SI: variants seen among roughly 807,000 people sequenced by gnomAD.
The protein encoded by SI is sucrase-isomaltase.
A neutral mutation model predicts 253.3 loss-of-function variants in SI; 235 were observed. That is an observed-to-expected ratio of 0.93 (90% CI 0.83 to 1.03). The LOEUF (loss-of-function observed/expected upper bound fraction) is 1.03. Ranked by LOEUF, SI falls within the 50% of genes least tolerant of loss-of-function variation. The pLI is 0.00. For synonymous variants in SI, 819 were observed against 712.0 expected (o/e 1.15, Z -2.39); for missense variants, 2,442 against 2,211.1 (o/e 1.10, Z -2.09).
chr3:165,037,212 T>A (rs1712580300), intron 21 of SI, among the ~76,000 whole-genome samples: 1 of 151,920 alleles, frequency 6.6e-6, no homozygotes, highest in Non-Finnish European at 1.5e-5. Context: ...AAGAAAAGAA[T>A]AAATAATATA....
At chr3:165,048,319 A>G (rs143207256) in intron 15 of SI, among the ~76,000 whole-genome samples, 5 of 151,892 alleles carry the variant, frequency 3.3e-5, no homozygotes, top group Non-Finnish European at 7.4e-5. Context: ...GTTTTGTATC[A>G]TATTTTATAA....
At chr3:165,065,240 A>G (rs1714175640) in intron 7 of SI, 21 bp downstream of exon 7, 1 of 1,507,512 alleles carries the variant, frequency 6.6e-7, no homozygotes, top group Non-Finnish European at 9.2e-7. Context: ...TTTATTTATA[A>G]CAAGAAAAAT....
the SI span, among the ~76,000 whole-genome samples, chr3:165,086,248 C>T: frequency 1.0e-3 from 156 of 151,990 alleles, no homozygotes; most frequent in African/African-American, 3.5e-3. Context: ...AAGCAAGACT[C>T]CGTCTCAAAA....
At chr3:164,985,117 A>T (rs942016968) in intron 45 of SI, among the ~76,000 whole-genome samples, 3 of 152,186 alleles carry the variant, frequency 2.0e-5, no homozygotes, top group Non-Finnish European at 2.9e-5. Context: ...AGTGATTACA[A>T]AAAGTCTGCC....
At chr3:165,027,622 G>C (rs1711998178) in intron 25 of SI, among the ~76,000 whole-genome samples, 1 of 151,366 alleles carries the variant, frequency 6.6e-6, no homozygotes, top group Admixed American at 6.6e-5. Flanking sequence ...ATGACCAAGT[G>C]GGTTTCATAC....
chr3:165,044,338 A>G (rs1218740531), intron 16 of SI, among the ~76,000 whole-genome samples: 2 of 151,954 alleles, frequency 1.3e-5, no homozygotes, highest in Admixed American at 6.6e-5. Context: ...TTTACTTATA[A>G]TGTGCATTGT....
At position 165,001,009 on chromosome 3, in the gene SI, A is replaced by G. The variant is rs140282367; in HGVS notation, c.4407-2336T>C. Among the ~76,000 whole-genome samples, 34 of 151,454 alleles carry G rather than the reference A, an allele frequency of 2.2e-4. 1 individual carries two copies. The highest frequency in any genetic ancestry group is 2.2e-3 in the Admixed American group (34 of 15,170). ...GTAAAACCAGAAACTCTACATATAT[A>G]TTACAAAAATGAAATATGTGAAGAG... On this transcript the variant is annotated intron_variant, in intron 37 of 47. Coordinates refer to ENST00000264382, the MANE Select transcript of SI (RefSeq NM_001041.4).
intron 5 of SI, 102 bp from the exon 6 acceptor site, chr3:165,067,593 G>T (rs1315858377): frequency 2.9e-6 from 3 of 1,038,236 alleles, no homozygotes; most frequent in Non-Finnish European, 4.5e-6. Flanking sequence ...AAATAACGTG[G>T]TGATTAGTTT....
At chr3:165,014,609 AT>A (rs1005779764) in intron 33 of SI, among the ~76,000 whole-genome samples, 15 of 151,938 alleles carry the variant, frequency 9.9e-5, no homozygotes, top group East Asian at 3.9e-4. Context: ...TTACTATGAG[AT>A]TTTTTTCTTG....
chr3:165,079,735 G>A (rs1300121414), upstream of SI, among the ~76,000 whole-genome samples: 1 of 151,606 alleles, frequency 6.6e-6, no homozygotes, highest in Non-Finnish European at 1.5e-5. Flanking sequence ...ACATACAAAG[G>A]TCAATCATGA....
chr3:165,010,889 G>A (rs912129769), intron 34 of SI, among the ~76,000 whole-genome samples: 1 of 152,168 alleles, frequency 6.6e-6, no homozygotes, highest in Admixed American at 6.5e-5. Context: ...CTCAAGAATA[G>A]TGGGTGGAAC....
At chr3:165,075,294 G>T (rs1325569055) in intron 2 of SI, among the ~76,000 whole-genome samples, 1 of 151,940 alleles carries the variant, frequency 6.6e-6, no homozygotes. Flanking sequence ...TAGTCTAGAA[G>T]ATAATGTGTA....
At chr3:165,020,719 T>G (rs2108182019) in intron 27 of SI, among the ~76,000 whole-genome samples, 1 of 151,672 alleles carries the variant, frequency 6.6e-6, no homozygotes, top group Non-Finnish European at 1.5e-5. Flanking sequence ...TTATAGATCT[T>G]TTGAATAAAA....
chr3:164,979,244 G>A lies in SI; in HGVS notation c.*118C>T, dbSNP rs1033763942. 29 of 733,004 alleles carry A rather than the reference G, an allele frequency of 4.0e-5. No individual in the cohort carries two copies. Among genetic ancestry groups the A allele is most frequent in the East Asian group, 2.7e-4 (11 of 40,064 alleles). The allele number at this position is 733,004 out of a possible 1,614,324, so 45.4% of individuals were successfully genotyped here. ...GTACGCTACAAAATAACTTTTCGAT[G>A]TTATGAAAGCTATATTTTGTAGAGT... On this transcript the variant is annotated 3_prime_UTR_variant, in exon 48 of 48. Transcript: ENST00000264382.
At chr3:165,051,792 C>T (rs1476935655) in intron 13 of SI, among the ~76,000 whole-genome samples, 4 of 151,784 alleles carry the variant, frequency 2.6e-5, no homozygotes, top group African/African-American at 9.7e-5. Flanking sequence ...AATCTTTCAT[C>T]AATGAAAGTA....
intron 38 of SI, among the ~76,000 whole-genome samples, chr3:164,998,312 A>C (rs562196593): frequency 2.0e-5 from 3 of 151,914 alleles, no homozygotes; most frequent in Admixed American, 1.3e-4. Flanking sequence ...CAGGCCAATA[A>C]CAATGACACC....
chr3:164,992,711 C>T (rs2108128049), intron 41 of SI, among the ~76,000 whole-genome samples: 1 of 151,706 alleles, frequency 6.6e-6, no homozygotes, highest in African/African-American at 2.4e-5. Flanking sequence ...TTAACTTTGC[C>T]TAGTATATGA....
intron 45 of SI, 150 bp from the exon 46 acceptor site, chr3:164,983,201 T>A: frequency 3.9e-6 from 3 of 763,082 alleles, no homozygotes; most frequent in Non-Finnish European, 5.9e-6. Flanking sequence ...ATTTAACTAA[T>A]TCAGATACAA....
At chr3:164,992,575 T>TATA (rs1717807676) in intron 41 of SI, among the ~76,000 whole-genome samples, 178 bp from the exon 42 acceptor site, 1 of 151,976 alleles carries the variant, frequency 6.6e-6, no homozygotes, top group Non-Finnish European at 1.5e-5. Flanking sequence ...TGCTCAGCAG[T>TATA]ATAATACTTT....
Sources: gnomAD v4.1 joint callset for allele counts (sites outside exome capture counted in the v4.1 genomes callset) on GRCh38, gnomAD v4.1.1 for gene constraint, MANE v1.5 for transcripts, NCBI Gene and HGNC (gene_info 2026-07-23, HGNC 2026-07-21) for gene names.